Variants in DNAH11 observed in about 807,000 individuals in gnomAD.
DNAH11 encodes axonemal beta dynein heavy chain 11.
A neutral mutation model predicts 526.0 loss-of-function variants in DNAH11; 442 were observed. The observed-to-expected ratio is 0.84, with a 90% confidence interval of 0.78 to 0.91. DNAH11 has a LOEUF of 0.91. Ranked by LOEUF, DNAH11 falls within the 40% of genes least tolerant of loss-of-function variation. DNAH11 has a pLI of 0.00. For synonymous variants in DNAH11, 2,461 were observed against 1,935.9 expected, an observed-to-expected ratio of 1.27 and a Z score of -7.12; for missense variants, 6,989 against 5,448.7, an observed-to-expected ratio of 1.28 and a Z score of -8.90.
chr7:21,852,750 G>T (rs1782691420), intron 67 of DNAH11, 119 bp downstream of exon 67: 2 of 1,092,716 alleles, frequency 1.8e-6, no homozygotes, highest in Non-Finnish European at 1.3e-6. Context: ...TGGAATTCAG[G>T]TGATTTAATA....
intron 8 of DNAH11, among the ~76,000 whole-genome samples, chr7:21,580,342 A>T (rs1365296775): frequency 6.6e-6 from 1 of 152,224 alleles, no homozygotes; most frequent in Non-Finnish European, 1.5e-5. Context: ...ATGAGCCTTG[A>T]ATAAAGAGAT....
intron 25 of DNAH11, 89 bp downstream of exon 25, chr7:21,620,167 A>G (rs1370334902): frequency 1.8e-6 from 2 of 1,113,470 alleles, no homozygotes; most frequent in East Asian, 5.8e-5. Context: ...TGATGTTTTG[A>G]TGTATGTTTA....
chr7:21,610,342 C>T (rs9639383), intron 20 of DNAH11, among the ~76,000 whole-genome samples: 17,378 of 152,200 alleles, frequency 0.11, 1,262 homozygotes, highest in East Asian at 0.2. Flanking sequence ...CGGTTTTATA[C>T]TACCCCTCTG....
In DNAH11 at chr7:21,681,630, A is replaced by G. The variant is rs776549742; in HGVS notation, c.5413A>G (p.Ile1805Val). The G allele has an allele frequency of 2.5e-6, 4 of 1,613,776 alleles. No individual in the cohort carries two copies. In the Admixed American group the frequency reaches 6.7e-5, roughly 27 times the overall value. Residue 1805 changes from isoleucine to valine, a missense_variant, in exon 31 of 82, where the codon ATA (isoleucine) becomes GTA (valine). Transcript: ENST00000409508. ...ACAGAAGATCATGACAATTTGTACC[A>G]TAGATGTCCATGCCAGAGACGTGGT... ...DRQKIMTICT[I>V]DVHARDVVAK...
chr7:21,705,800 C>T (rs1025451468), intron 39 of DNAH11, among the ~76,000 whole-genome samples: 1 of 152,118 alleles, frequency 6.6e-6, no homozygotes, highest in Non-Finnish European at 1.5e-5. Context: ...TTGAACTTTC[C>T]ACGTGAGATG....
chr7:21,704,601 G>C lies in DNAH11; in HGVS notation c.6441G>C (p.Leu2147=), dbSNP rs368438167. 1 of 1,605,908 alleles carries C rather than the reference G, an allele frequency of 6.2e-7. No homozygotes were observed. The highest frequency in any genetic ancestry group is 8.5e-7 in the Non-Finnish European group (1 of 1,177,776). The change falls in exon 38 of 82, where the codon CTG becomes CTC. Residue 2147 remains leucine, a synonymous_variant. Coordinates refer to ENST00000409508, the MANE Select transcript of DNAH11 (RefSeq NM_001277115.2). ...GGCAGTCTACCCTGGAGCTCCGCCT[G>C]CAGCCTGAAGAGAGCTTCATCCTCA... ...MVRQSTLELR[L]QPEESFILKV...
intron 65 of DNAH11, among the ~76,000 whole-genome samples, chr7:21,819,064 C>T (rs1789940077): frequency 6.6e-6 from 1 of 152,134 alleles, no homozygotes; most frequent in Admixed American, 6.6e-5. Context: ...TCAATCAAGT[C>T]TGGGTGGGCA....
chr7:21,726,046 G>A (rs1785089759), intron 45 of DNAH11, 62 bp downstream of exon 45: 1 of 1,409,004 alleles, frequency 7.1e-7, no homozygotes, highest in Non-Finnish European at 9.4e-7. Flanking sequence ...AAAAATACCT[G>A]CAACTGGGTA....
At chr7:21,687,348 T>C in intron 33 of DNAH11, 34 bp from the exon 34 acceptor site, 2 of 1,585,702 alleles carry the variant, frequency 1.3e-6, no homozygotes, top group Non-Finnish European at 1.7e-6. Flanking sequence ...AAACCCCTTC[T>C]GTTAAATTCT....
intron 54 of DNAH11, among the ~76,000 whole-genome samples, chr7:21,756,385 G>A (rs573207513): frequency 6.6e-6 from 1 of 151,838 alleles, no homozygotes; most frequent in Non-Finnish European, 1.5e-5. Context: ...ATTTGTTCCT[G>A]CATAATTGCC....
At chr7:21,826,819 G>C (rs1464859008) in intron 65 of DNAH11, among the ~76,000 whole-genome samples, 1 of 152,156 alleles carries the variant, frequency 6.6e-6, no homozygotes, top group Non-Finnish European at 1.5e-5. Context: ...CCCTCAGAAA[G>C]TTTTTGGCTA....
intron 54 of DNAH11, among the ~76,000 whole-genome samples, chr7:21,755,149 A>C (rs543917059): frequency 6.6e-6 from 1 of 152,180 alleles, no homozygotes; most frequent in Admixed American, 6.5e-5. Context: ...GAATGCAGAG[A>C]CAATGAGAAC....
intron 61 of DNAH11, among the ~76,000 whole-genome samples, chr7:21,800,927 C>T (rs1261468086): frequency 1.3e-5 from 2 of 152,142 alleles, no homozygotes; most frequent in Non-Finnish European, 2.9e-5. Flanking sequence ...AAGACCACAT[C>T]GTGAACTGTT....
Position 21,577,114 on chromosome 7 carries a change from C to T in DNAH11, c.1594-4791C>T, listed in dbSNP as rs527849812. On this transcript the variant is annotated intron_variant, in intron 8 of 81. Transcript: ENST00000409508. ...TGCCTGAAGTAATCCAGACTTGGAG[C>T]TGAAAACACTGGCAACCAGGAAATG... 2.6e-5 allele frequency among the ~76,000 whole-genome samples: 4 copies of T among 152,268 alleles called. No individual in the cohort carries two copies. The South Asian group carries it at 8.3e-4, about 32-fold the overall frequency.
intron 77 of DNAH11, among the ~76,000 whole-genome samples, 151 bp downstream of exon 77, chr7:21,892,818 CAGA>C (rs1291126418): frequency 6.6e-6 from 1 of 152,252 alleles, no homozygotes; most frequent in Non-Finnish European, 1.5e-5. Context: ...TCCAACACTC[CAGA>C]AGGATACTCA....
chr7:21,602,166 C>A (rs1036793849), intron 18 of DNAH11, among the ~76,000 whole-genome samples: 2 of 151,874 alleles, frequency 1.3e-5, no homozygotes, highest in Non-Finnish European at 2.9e-5. Flanking sequence ...ATGCTGAAAC[C>A]CCATCTCTAC....
At chr7:21,636,161 C>T (rs532667821) in intron 26 of DNAH11, 66 bp downstream of exon 26, 43 of 1,345,412 alleles carry the variant, frequency 3.2e-5, no homozygotes, top group Non-Finnish European at 4.1e-5. Context: ...TTTTGAGCAT[C>T]GTATTTATAA....
chr7:21,810,003 GAAATC>G (rs1247010915), intron 63 of DNAH11, among the ~76,000 whole-genome samples: 2 of 152,170 alleles, frequency 1.3e-5, no homozygotes. Flanking sequence ...AGTGATAACT[GAAATC>G]AAACTCAGAT....
intron 30 of DNAH11, among the ~76,000 whole-genome samples, chr7:21,660,876 C>T (rs185401225): frequency 4.7e-4 from 71 of 152,148 alleles, no homozygotes; most frequent in African/African-American, 1.7e-3. Flanking sequence ...ATATTATCTA[C>T]ATATTTTCTT....
Sources: gnomAD v4.1 joint callset for allele counts (sites outside exome capture counted in the v4.1 genomes callset) on GRCh38, gnomAD v4.1.1 for gene constraint, MANE v1.5 for transcripts, NCBI Gene and HGNC (gene_info 2026-07-23, HGNC 2026-07-21) for gene names.